The following TMEM217 variants were observed in gnomAD, a reference collection of about 807,000 sequenced individuals.
TMEM217 encodes chromosome 6 open reading frame 128.
For synonymous variants in TMEM217, 76 were observed against 88.3 expected, an observed-to-expected ratio of 0.86 and a Z score of 0.78; for missense variants, 204 against 248.8, an observed-to-expected ratio of 0.82 and a Z score of 1.21.
At chr6:37,220,228 A>G (rs1005831663) in intron 1 of TMEM217, among the ~76,000 whole-genome samples, 11 of 152,210 alleles carry the variant, frequency 7.2e-5, no homozygotes, top group Non-Finnish European at 8.8e-5. Context: ...TTAAAAATAT[A>G]AAGTATAGAA....
At chr6:37,239,359 A>G (rs1764646913) in intron 1 of TMEM217, among the ~76,000 whole-genome samples, 2 of 151,902 alleles carry the variant, frequency 1.3e-5, no homozygotes, top group Admixed American at 1.3e-4. Context: ...CTTGGTGGCC[A>G]CGCCTGTAGT....
downstream of TMEM217, among the ~76,000 whole-genome samples, chr6:37,216,358 C>T (rs183898673): frequency 1.3e-5 from 2 of 152,136 alleles, no homozygotes; most frequent in African/African-American, 2.4e-5. Context: ...GGATTACAGA[C>T]GTGAGCCCCT....
At chr6:37,258,016 C>T (rs1229973215) in exon 1 of TMEM217, 2 of 1,600,282 alleles carry the variant, frequency 1.2e-6, no homozygotes, top group Non-Finnish European at 1.7e-6. Context: ...TGGACCAAAC[C>T]CTTCCAGATC....
chr6:37,255,608 C>T (rs1394337583), intron 1 of TMEM217, among the ~76,000 whole-genome samples: 1 of 151,408 alleles, frequency 6.6e-6, no homozygotes, highest in African/African-American at 2.4e-5. Flanking sequence ...TGCTTGAGCC[C>T]AGGAGATGGA....
At chr6:37,237,708 A>C (rs187905634) in intron 1 of TMEM217, among the ~76,000 whole-genome samples, 6 of 152,328 alleles carry the variant, frequency 3.9e-5, no homozygotes, top group Admixed American at 3.3e-4. Flanking sequence ...AAAAGGAACA[A>C]CTGTAGCAAC....
intron 1 of TMEM217, among the ~76,000 whole-genome samples, chr6:37,243,667 C>T (rs1379518775): frequency 2.0e-5 from 3 of 152,154 alleles, no homozygotes; most frequent in South Asian, 2.1e-4. Flanking sequence ...GGCATGATCT[C>T]GGCTCACTGC....
chr6:37,224,501 G>C (rs1036931656), intron 1 of TMEM217, among the ~76,000 whole-genome samples: 1 of 151,844 alleles, frequency 6.6e-6, no homozygotes, highest in Non-Finnish European at 1.5e-5. Context: ...GGGAGGCTGA[G>C]TCAGGAGAAT....
At chr6:37,238,430 T>G (rs949404351) in intron 1 of TMEM217, among the ~76,000 whole-genome samples, 4 of 152,184 alleles carry the variant, frequency 2.6e-5, no homozygotes, top group Admixed American at 2.6e-4. Flanking sequence ...ATTTCCACCT[T>G]CTTTGCTACC....
chr6:37,215,160 C>CAGAATAG (rs1561998029), downstream of TMEM217: 1 of 1,605,614 alleles, frequency 6.2e-7, no homozygotes, highest in East Asian at 2.2e-5. Context: ...TGCCGCTAGC[C>CAGAATAG]AAGGTCCTCT....
chr6:37,212,448 G>T (rs911745998), exon 4 of TMEM217: 4 of 438,926 alleles, frequency 9.1e-6, no homozygotes, highest in Non-Finnish European at 1.8e-5. Context: ...TTCCCAGACG[G>T]ACAGGTAGTC....
chr6:37,212,722 T>C (rs1762977767), downstream of TMEM217: 2 of 658,296 alleles, frequency 3.0e-6, no homozygotes, highest in East Asian at 6.0e-5. Flanking sequence ...CAGCCCCATG[T>C]AGATATTCTT....
rs1236949435 is a variant in TMEM217 at position 37,240,975 on chromosome 6, A to T, written c.-12+16593T>A. On this transcript the variant is annotated intron_variant, in intron 1 of 1. Transcript: ENST00000357219. ...TTATTCCTAAGGTTGAACATTTATG[A>T]AGTATTTGTTAACCAGTTTTACTGA... Among the ~76,000 whole-genome samples, 6 of 152,252 alleles carry T rather than the reference A, an allele frequency of 3.9e-5. 1 individual carries two copies. The highest frequency in any genetic ancestry group is 5.9e-5 in the Non-Finnish European group (4 of 68,022).
Position 37,218,321 on chromosome 6 carries a change from G to A in TMEM217, c.*101C>T, listed in dbSNP as rs552928812. 106 of 1,148,204 alleles carry A rather than the reference G, an allele frequency of 9.2e-5. No individual in the cohort carries two copies. The East Asian group carries it at 1.5e-3, about 17-fold the overall frequency. 71.1% of individuals were successfully genotyped at this position (1,148,204 alleles called of 1,614,324 possible). The stretch of plus-strand genomic sequence containing the variant: ...GTGGCTGGGATTACAGGTGTGTGCC[G>A]CCACGCCTGGCTAATTTTCTATTTT... On this transcript the variant is annotated 3_prime_UTR_variant, in exon 2 of 2. Transcript: ENST00000357219.
chr6:37,253,342 G>T (rs575559043), intron 1 of TMEM217, among the ~76,000 whole-genome samples: 1 of 152,060 alleles, frequency 6.6e-6, no homozygotes, highest in Non-Finnish European at 1.5e-5. Context: ...CTTTCTTCTT[G>T]CCAGGTATGG....
chr6:37,219,387 C>T, intron 1 of TMEM217, among the ~76,000 whole-genome samples: 1 of 152,274 alleles, frequency 6.6e-6, no homozygotes. Flanking sequence ...TTCAAAACTT[C>T]CTAGTAATTT....
intron 1 of TMEM217, among the ~76,000 whole-genome samples, chr6:37,238,524 G>C (rs1307899686): frequency 2.0e-5 from 3 of 152,130 alleles, no homozygotes; most frequent in African/African-American, 4.8e-5. Flanking sequence ...TGTATCCAGG[G>C]TGTTCATGGC....
chr6:37,252,633 A>T (rs1400083537), intron 1 of TMEM217, among the ~76,000 whole-genome samples: 129 of 75,204 alleles, frequency 1.7e-3, no homozygotes, highest in African/African-American at 7.1e-3. Flanking sequence ...ATATATATAT[A>T]TATATTTTTT....
At chr6:37,220,923 T>C (rs1371269285) in intron 1 of TMEM217, among the ~76,000 whole-genome samples, 1 of 152,094 alleles carries the variant, frequency 6.6e-6, no homozygotes, top group Non-Finnish European at 1.5e-5. Flanking sequence ...GTATAATTCA[T>C]GCATATATAA....
chr6:37,218,535 T>C (rs758959103), exon 2 of TMEM217: 8 of 1,614,038 alleles, frequency 5.0e-6, no homozygotes, highest in Non-Finnish European at 6.8e-6. Context: ...ATTCGTCTCT[T>C]GTAGGAAATT....
Sources: gnomAD v4.1 joint callset for allele counts (sites outside exome capture counted in the v4.1 genomes callset) on GRCh38, gnomAD v4.1.1 for gene constraint, MANE v1.5 for transcripts, NCBI Gene and HGNC (gene_info 2026-07-23, HGNC 2026-07-21) for gene names.